AGPAT3: variants seen among roughly 807,000 people sequenced by gnomAD.
AGPAT3 encodes 1-acylglycerol-3-phosphate O-acyltransferase 3.
In AGPAT3, 5 loss-of-function variants were observed where a neutral mutation model predicts 47.3. That is an observed-to-expected ratio of 0.11 (90% CI 0.06 to 0.22). AGPAT3 has a LOEUF of 0.22. AGPAT3 is among the 10% of genes least tolerant of loss of function. The pLI, the probability that AGPAT3 is intolerant of heterozygous loss-of-function variation, is 1.00. For synonymous variants in AGPAT3, 212 were observed against 208.3 expected, an observed-to-expected ratio of 1.02 and a Z score of -0.15; for missense variants, 315 against 493.0, an observed-to-expected ratio of 0.64 and a Z score of 3.42.
chr21:43,950,071 G>A (rs1401531079), intron 2 of AGPAT3, among the ~76,000 whole-genome samples: 1 of 152,210 alleles, frequency 6.6e-6, no homozygotes, highest in Non-Finnish European at 1.5e-5. Context: ...GGAGCCCCCA[G>A]AGCCTGGGCC....
chr21:43,953,401 T>G (rs1456135744), intron 2 of AGPAT3, among the ~76,000 whole-genome samples: 2 of 152,242 alleles, frequency 1.3e-5, no homozygotes, highest in Admixed American at 1.3e-4. Flanking sequence ...GTAGGAGATG[T>G]GGACGGACAT....
At chr21:43,900,119 C>T (rs971118170) in intron 1 of AGPAT3, among the ~76,000 whole-genome samples, 7 of 152,206 alleles carry the variant, frequency 4.6e-5, no homozygotes, top group East Asian at 1.9e-4. Context: ...CTTTTGTTCT[C>T]TTCCAGAGAC....
At chr21:43,878,597 G>A (rs1056742517) in intron 1 of AGPAT3, among the ~76,000 whole-genome samples, 13 of 152,210 alleles carry the variant, frequency 8.5e-5, no homozygotes, top group African/African-American at 3.1e-4. Context: ...TGAGTAAAGG[G>A]TCTTGCCATT....
chr21:43,907,696 G>T (rs909023049), intron 2 of AGPAT3, among the ~76,000 whole-genome samples: 3 of 152,174 alleles, frequency 2.0e-5, no homozygotes, highest in Non-Finnish European at 2.9e-5. Flanking sequence ...CAGCCTGGGC[G>T]ACAGAGCGAG....
intron 1 of AGPAT3, among the ~76,000 whole-genome samples, chr21:43,878,316 T>TAC (rs780842566): frequency 2.6e-5 from 4 of 152,320 alleles, no homozygotes; most frequent in African/African-American, 4.8e-5. Context: ...GTGAGTTAGA[T>TAC]ACACACACAC....
chr21:43,941,372 A>T (rs1426478950), intron 2 of AGPAT3, among the ~76,000 whole-genome samples: 1 of 152,062 alleles, frequency 6.6e-6, no homozygotes, highest in Non-Finnish European at 1.5e-5. Context: ...CTTCCCCATG[A>T]CTCAGTTTAT....
At position 43,930,289 on chromosome 21, in the gene AGPAT3, G is replaced by A. The variant is rs920462577; in HGVS notation, c.-49+26270G>A. 3.3e-5 allele frequency among the ~76,000 whole-genome samples: 5 copies of A among 152,138 alleles called. No individual in the cohort carries two copies. The highest frequency in any genetic ancestry group is 1.2e-4 in the African/African-American group (5 of 41,428). ...AGGGGGCTCTGGTGCCAATACCAATGCAGCCCGGTTCCCTGTCCTGGGCCT... is the reference window on the plus strand; with the variant it reads ...AGGGGGCTCTGGTGCCAATACCAATACAGCCCGGTTCCCTGTCCTGGGCCT... On this transcript the variant is annotated intron_variant, in intron 2 of 9. Transcript: ENST00000291572. The surrounding 1 kb of genome is among the most constrained non-coding windows in gnomAD (Gnocchi z 5.0).
At chr21:43,882,325 T>A (rs2085871600) in intron 1 of AGPAT3, among the ~76,000 whole-genome samples, 1 of 152,270 alleles carries the variant, frequency 6.6e-6, no homozygotes, top group Admixed American at 6.5e-5. Flanking sequence ...GGAAATAGGT[T>A]TCGTAGATTG....
At chr21:43,889,126 T>C (rs1008016197) in intron 1 of AGPAT3, among the ~76,000 whole-genome samples, 1 of 152,222 alleles carries the variant, frequency 6.6e-6, no homozygotes, top group Non-Finnish European at 1.5e-5. Context: ...AGATTTGTTT[T>C]CCTTTTCAGT....
intron 1 of AGPAT3, among the ~76,000 whole-genome samples, chr21:43,896,942 C>G (rs1237457689): frequency 3.2e-5 from 3 of 93,132 alleles, no homozygotes; most frequent in Non-Finnish European, 4.3e-5. Flanking sequence ...TTTGACAGTC[C>G]GTTTTTTTTT....
chr21:43,918,536 A>C (rs546402290), intron 2 of AGPAT3, among the ~76,000 whole-genome samples: 14 of 152,030 alleles, frequency 9.2e-5, no homozygotes, highest in African/African-American at 3.4e-4. Flanking sequence ...ACACTTGGTT[A>C]CATTTTAGCT....
chr21:43,903,871 G>A (rs1358499173), intron 1 of AGPAT3, 86 bp from the exon 2 acceptor site: 1 of 152,412 alleles, frequency 6.6e-6, no homozygotes, highest in Non-Finnish European at 1.5e-5. Flanking sequence ...AGCCTTTCGG[G>A]TTTTGAAGTG....
intron 2 of AGPAT3, among the ~76,000 whole-genome samples, chr21:43,913,523 T>C (rs770937684): frequency 6.6e-6 from 1 of 152,016 alleles, no homozygotes; most frequent in Non-Finnish European, 1.5e-5. Flanking sequence ...AAGGTGGAGG[T>C]TGCAGTGAGT....
At chr21:43,901,313 ACT>A (rs2086346326) in intron 1 of AGPAT3, among the ~76,000 whole-genome samples, 3 of 105,954 alleles carry the variant, frequency 2.8e-5, no homozygotes, top group African/African-American at 1.3e-4. Flanking sequence ...ACAGAGTGAA[ACT>A]CTGTTAAAAA....
At chr21:43,887,597 C>T (rs1275424300) in intron 1 of AGPAT3, among the ~76,000 whole-genome samples, 1 of 152,248 alleles carries the variant, frequency 6.6e-6, no homozygotes, top group East Asian at 1.9e-4. Context: ...CACACACACA[C>T]ACACAACTGC....
chr21:43,943,917 C>T (rs1309347464), intron 2 of AGPAT3, among the ~76,000 whole-genome samples: 5 of 152,218 alleles, frequency 3.3e-5, no homozygotes, highest in Non-Finnish European at 7.3e-5. Context: ...ACTTTCCCGC[C>T]GCATCTTTCA....
At chr21:43,906,653 G>A (rs75677426) in intron 2 of AGPAT3, among the ~76,000 whole-genome samples, 8 of 152,288 alleles carry the variant, frequency 5.3e-5, no homozygotes, top group Non-Finnish European at 7.4e-5. Flanking sequence ...CTTCTAAAGC[G>A]GAGCAAACCC....
chr21:43,920,074 T>A lies in AGPAT3; in HGVS notation c.-49+16055T>A, dbSNP rs2086853738. Among the ~76,000 whole-genome samples the A allele has an allele frequency of 1.3e-5, 2 of 152,182 alleles. No homozygotes were observed. Among genetic ancestry groups the A allele is most frequent in the East Asian group, 3.9e-4 (2 of 5,194 alleles). On this transcript the variant is annotated intron_variant, in intron 2 of 9. Transcript: ENST00000291572. The surrounding 1 kb of genome is among the most constrained non-coding windows in gnomAD (Gnocchi z 6.1). ...CAGGATCCTGGTTGTCACCTGAAGC[T>A]TGGAGAAGGGACAGGAGTGCACTGC...
chr21:43,941,984 T>C (rs1176616667), intron 2 of AGPAT3, among the ~76,000 whole-genome samples: 2 of 152,362 alleles, frequency 1.3e-5, no homozygotes, highest in Admixed American at 6.5e-5. Context: ...GCTGACCAGG[T>C]GGCAGGGGAC....
Sources: gnomAD v4.1 joint callset for allele counts (sites outside exome capture counted in the v4.1 genomes callset) on GRCh38, gnomAD v4.1.1 for gene constraint, Gnocchi (gnomAD v3.1) non-coding constraint, MANE v1.5 for transcripts, NCBI Gene and HGNC (gene_info 2026-07-23, HGNC 2026-07-21) for gene names.